Variants in CSMD1 observed in about 807,000 individuals in gnomAD.
CSMD1 encodes the protein CUB and Sushi multiple domains 1.
In CSMD1, 213 loss-of-function variants were observed where a neutral mutation model predicts 417.5. The observed-to-expected ratio is 0.51, with a 90% confidence interval of 0.46 to 0.57. The LOEUF (loss-of-function observed/expected upper bound fraction) is 0.57. Ranked by LOEUF, CSMD1 falls within the 20% of genes least tolerant of loss-of-function variation. The pLI, the probability that CSMD1 is intolerant of heterozygous loss-of-function variation, is 0.00. For synonymous variants in CSMD1, 2,862 were observed against 1,736.8 expected (o/e 1.65, Z -16.11); for missense variants, 6,923 against 4,529.7 (o/e 1.53, Z -15.17).
At chr8:4,974,306 G>A (rs114072898) in intron 1 of CSMD1, among the ~76,000 whole-genome samples, 11 of 152,048 alleles carry the variant, frequency 7.2e-5, no homozygotes, top group Middle Eastern at 3.4e-3. Context: ...GATTACAGGC[G>A]CAAGATTTTA....
At chr8:4,991,806 C>A (rs1811482359) in intron 1 of CSMD1, among the ~76,000 whole-genome samples, 2 of 152,252 alleles carry the variant, frequency 1.3e-5, no homozygotes, top group Non-Finnish European at 2.9e-5. Context: ...CACCAGCCCC[C>A]TTCCTGCCTG....
intron 5 of CSMD1, among the ~76,000 whole-genome samples, chr8:3,791,874 G>C (rs1420676815): frequency 4.0e-5 from 6 of 151,886 alleles, no homozygotes; most frequent in African/African-American, 2.4e-5. Context: ...GTATAGGTTG[G>C]TGCAAAAGTA....
At chr8:3,532,320 C>A (rs1468292169) in intron 10 of CSMD1, among the ~76,000 whole-genome samples, 1 of 152,130 alleles carries the variant, frequency 6.6e-6, no homozygotes, top group African/African-American at 2.4e-5. Context: ...GGACATCAGC[C>A]AGGGTTTTAA....
intron 49 of CSMD1, among the ~76,000 whole-genome samples, chr8:3,056,617 G>A (rs893577531): frequency 2.0e-5 from 3 of 152,050 alleles, no homozygotes; most frequent in East Asian, 1.9e-4. Flanking sequence ...CCATCCTCCT[G>A]CCTCAGCCTC....
At chr8:4,859,461 G>A (rs11986430) in intron 1 of CSMD1, among the ~76,000 whole-genome samples, 1 of 152,132 alleles carries the variant, frequency 6.6e-6, no homozygotes, top group Admixed American at 6.5e-5. Context: ...ACTACCATCA[G>A]AGTGAACAGG....
At position 3,540,541 on chromosome 8, in the gene CSMD1, TTAAAG is replaced by T. The variant is rs1341728292; in HGVS notation, c.1344+34399_1344+34403del. Among the ~76,000 whole-genome samples, 7 of 152,118 alleles carry T rather than the reference TTAAAG, an allele frequency of 4.6e-5. No homozygotes were observed. In the East Asian group the frequency reaches 1.4e-3, roughly 29 times the overall value. ...GTAAAAACTGACAAATGGGATCTAA[TTAAAG>T]TAAAGAGCTTCTGCACGACAAAAGA... On this transcript the variant is annotated intron_variant, in intron 10 of 69. Coordinates refer to ENST00000635120, the MANE Select transcript of CSMD1 (RefSeq NM_033225.6).
At chr8:4,035,425 C>T (rs1376194419) in intron 3 of CSMD1, among the ~76,000 whole-genome samples, 1 of 152,112 alleles carries the variant, frequency 6.6e-6, no homozygotes, top group Non-Finnish European at 1.5e-5. Context: ...GTAAAACAAC[C>T]TTAGTCAGGT....
rs953449213 is a variant in CSMD1 at position 4,748,436 on chromosome 8, A to T, written c.86-110878T>A. On this transcript the variant is annotated intron_variant, in intron 1 of 69. Coordinates refer to ENST00000635120, the MANE Select transcript of CSMD1 (RefSeq NM_033225.6). ...ACATTTTATTTGCTGCTGCAGTATC[A>T]TATTTATGACCCAAGTAAGGGTGAA... 2.0e-5 allele frequency among the ~76,000 whole-genome samples: 3 copies of T among 152,302 alleles called. 1 individual carries two copies. In the South Asian group the frequency reaches 6.2e-4, roughly 32 times the overall value.
intron 10 of CSMD1, among the ~76,000 whole-genome samples, chr8:3,574,190 G>A (rs1380788106): frequency 6.6e-6 from 1 of 152,196 alleles, no homozygotes; most frequent in Admixed American, 6.5e-5. Flanking sequence ...AACGTATATA[G>A]CTTATGAGAA....
At chr8:4,391,727 G>A (rs940056749) in intron 3 of CSMD1, among the ~76,000 whole-genome samples, 1 of 152,138 alleles carries the variant, frequency 6.6e-6, no homozygotes, top group African/African-American at 2.4e-5. Context: ...ACCTCCAAGT[G>A]CAATGTGCCT....
chr8:3,414,275 A>T (rs943463317), intron 12 of CSMD1, among the ~76,000 whole-genome samples: 1 of 147,572 alleles, frequency 6.8e-6, no homozygotes, highest in African/African-American at 2.5e-5. Flanking sequence ...TTATTGAACT[A>T]GATATAAGAT....
intron 3 of CSMD1, among the ~76,000 whole-genome samples, chr8:4,395,350 C>T (rs1311324883): frequency 6.6e-6 from 1 of 152,168 alleles, no homozygotes; most frequent in East Asian, 1.9e-4. Flanking sequence ...GCATTGTTTG[C>T]ATTAAGACTA....
At chr8:4,061,105 G>A (rs1481499014) in intron 3 of CSMD1, among the ~76,000 whole-genome samples, 1 of 152,136 alleles carries the variant, frequency 6.6e-6, no homozygotes, top group Non-Finnish European at 1.5e-5. Context: ...GATATCTTAT[G>A]GAGAATATAA....
At chr8:4,510,326 A>G (rs1174449986) in intron 2 of CSMD1, among the ~76,000 whole-genome samples, 2 of 146,038 alleles carry the variant, frequency 1.4e-5, no homozygotes, top group African/African-American at 5.1e-5. Flanking sequence ...ACAACTAAAT[A>G]TTTCCCAGGT....
At position 3,144,270 on chromosome 8, in the gene CSMD1, G is replaced by A. The variant is rs1818693176; in HGVS notation, c.6032-1596C>T. ...AACGGACAAAGGCCTCACTTTTTCT[G>A]GTTTGGTATGCCAATAGACTAGACA... is the stretch of plus-strand genomic sequence containing the variant. On this transcript the variant is annotated intron_variant, in intron 40 of 69. Transcript: ENST00000635120. 2.1e-5 allele frequency among the ~76,000 whole-genome samples: 3 copies of A among 144,660 alleles called. No homozygotes were observed. In the South Asian group the frequency reaches 7.5e-4, roughly 36 times the overall value. 94.9% of individuals were successfully genotyped at this position (144,660 alleles called of 152,430 possible).
intron 3 of CSMD1, among the ~76,000 whole-genome samples, chr8:4,405,708 G>C (rs1804970760): frequency 6.6e-6 from 1 of 152,138 alleles, no homozygotes; most frequent in Non-Finnish European, 1.5e-5. Context: ...TGTGTCTATT[G>C]CTTCTTATGA....
intron 4 of CSMD1, among the ~76,000 whole-genome samples, chr8:4,023,227 G>A (rs530013227): frequency 2.0e-5 from 3 of 152,282 alleles, no homozygotes; most frequent in Middle Eastern, 6.8e-3. Flanking sequence ...GATGTGAAAG[G>A]TGGCCATCTC....
At chr8:4,516,089 G>T (rs1199000664) in intron 2 of CSMD1, among the ~76,000 whole-genome samples, 1 of 152,084 alleles carries the variant, frequency 6.6e-6, no homozygotes, top group Non-Finnish European at 1.5e-5. Context: ...GCCTCAGAAT[G>T]TGACTGTACC....
At chr8:3,896,611 A>T (rs1807384261) in intron 5 of CSMD1, among the ~76,000 whole-genome samples, 1 of 151,958 alleles carries the variant, frequency 6.6e-6, no homozygotes, top group Non-Finnish European at 1.5e-5. Flanking sequence ...TCCCAGGTTC[A>T]CGCCATTCTC....
Sources: allele counts gnomAD v4.1 joint callset (sites outside exome capture counted in the v4.1 genomes callset), GRCh38; gene constraint gnomAD v4.1.1; transcripts MANE v1.5; gene names NCBI Gene and HGNC (gene_info 2026-07-23, HGNC 2026-07-21).